BACE1-AS: variants seen among roughly 807,000 people sequenced by gnomAD.
BACE1-AS encodes BACE1 antisense RNA (non-protein coding).
intron 2 of BACE1-AS, chr11:117,291,798 T>A (rs1181394142): frequency 1.9e-6 from 3 of 1,611,884 alleles, no homozygotes; most frequent in Non-Finnish European, 2.5e-6. Flanking sequence ...TCCACAATGC[T>A]CTTGTCATAG....
At chr11:117,291,704 C>T in exon 2 of BACE1-AS, 1 of 1,601,378 alleles carries the variant, frequency 6.2e-7, no homozygotes, top group Admixed American at 1.7e-5. Flanking sequence ...CATCCTTAGT[C>T]CACTCACGGA....
chr11:117,291,765 A>C, exon 2 of BACE1-AS: 3 of 1,613,560 alleles, frequency 1.9e-6, no homozygotes, highest in South Asian at 2.2e-5. Flanking sequence ...TTCTTGGGCA[A>C]ACGAAGGTTG....
At chr11:117,291,494 T>A (rs947736561) in intron 1 of BACE1-AS, among the ~76,000 whole-genome samples, 2 of 152,092 alleles carry the variant, frequency 1.3e-5, no homozygotes, top group Non-Finnish European at 2.9e-5. Flanking sequence ...GTCAGGCTGG[T>A]CTTGAACTCC....
At chr11:117,291,615 A>G (rs558111269) in intron 1 of BACE1-AS, 3 of 868,748 alleles carry the variant, frequency 3.5e-6, no homozygotes, top group East Asian at 5.2e-5. Flanking sequence ...AGAAGGGTCT[A>G]AGTGCAGACA....
chr11:117,291,744 C>G lies in BACE1-AS; in HGVS notation n.98C>G, dbSNP rs1342191689. The G allele has an allele frequency of 6.2e-6, 10 of 1,613,476 alleles. No individual in the cohort carries two copies. The highest frequency in any genetic ancestry group is 8.5e-6 in the Non-Finnish European group (10 of 1,179,626). ...GCTGCCTTGATGGATTTGACTGCAG[C>G]TTCAAACACTTTCTTGGGCAAACGA... On this transcript the variant is annotated non_coding_transcript_exon_variant, in exon 2 of 4. Coordinates refer to ENST00000614401, the Ensembl canonical transcript of BACE1-AS.
chr11:117,291,613 C>G, intron 1 of BACE1-AS: 1 of 859,468 alleles, frequency 1.2e-6, no homozygotes, highest in Non-Finnish European at 1.9e-6. Flanking sequence ...GTAGAAGGGT[C>G]TAAGTGCAGA....
At chr11:117,291,712 G>T (rs748797299) in exon 2 of BACE1-AS, 1 of 1,609,956 alleles carries the variant, frequency 6.2e-7, no homozygotes, top group Non-Finnish European at 8.5e-7. Flanking sequence ...GTCCACTCAC[G>T]GAGGAGGCTG....
At chr11:117,291,844 C>A in intron 2 of BACE1-AS, 1 of 1,558,078 alleles carries the variant, frequency 6.4e-7, no homozygotes, top group Non-Finnish European at 8.8e-7. Context: ...TTAAAAGAGT[C>A]AAAAGGTTTT....
At chr11:117,291,576 AG>A (rs2034438128) in intron 1 of BACE1-AS, 4 of 611,730 alleles carry the variant, frequency 6.5e-6, no homozygotes, top group Non-Finnish European at 1.1e-5. Context: ...ACGCCTGGCT[AG>A]GGGAAGAGTG....
intron 2 of BACE1-AS, chr11:117,291,933 G>A: frequency 1.6e-6 from 1 of 625,338 alleles, no homozygotes; most frequent in South Asian, 1.8e-5. Context: ...CACCTCCTAA[G>A]TGTACCTGCT....
At chr11:117,291,737 A>G (rs1275924663) in exon 2 of BACE1-AS, 1 of 1,613,276 alleles carries the variant, frequency 6.2e-7, no homozygotes, top group African/African-American at 1.3e-5. Flanking sequence ...GATGGATTTG[A>G]CTGCAGCTTC....
At chr11:117,291,653 C>T in intron 1 of BACE1-AS, 5 of 1,269,572 alleles carry the variant, frequency 3.9e-6, no homozygotes, top group Non-Finnish European at 5.7e-6. Flanking sequence ...GAATGTGACT[C>T]TCACCGCCTC....
chr11:117,291,811 G>A (rs2034446979), intron 2 of BACE1-AS: 4 of 1,605,478 alleles, frequency 2.5e-6, no homozygotes, highest in Non-Finnish European at 3.4e-6. Flanking sequence ...TGTCATAGTT[G>A]TACTAAGAGG....
chr11:117,291,807 A>G, intron 2 of BACE1-AS: 1 of 1,608,544 alleles, frequency 6.2e-7, no homozygotes, highest in Non-Finnish European at 8.5e-7. Context: ...CTCTTGTCAT[A>G]GTTGTACTAA....
intron 2 of BACE1-AS, chr11:117,291,981 C>G: frequency 2.0e-6 from 1 of 489,846 alleles, no homozygotes; most frequent in Non-Finnish European, 3.8e-6. Context: ...TCCTTCATCT[C>G]TAAAGTGAGG....
chr11:117,291,695 ATCCT>A, intron 1 of BACE1-AS: 1 of 1,580,148 alleles, frequency 6.3e-7, no homozygotes, highest in East Asian at 2.2e-5. Flanking sequence ...TTTTACCCCC[ATCCT>A]TAGTCCACTC....
intron 1 of BACE1-AS, among the ~76,000 whole-genome samples, chr11:117,291,523 A>G (rs534469473): frequency 1.3e-5 from 2 of 152,052 alleles, no homozygotes; most frequent in Admixed American, 1.3e-4. Flanking sequence ...TGATCTGCCC[A>G]CCTTGGCCTC....
chr11:117,291,630 G>C (rs1565356896), intron 1 of BACE1-AS: 1 of 1,008,140 alleles, frequency 9.9e-7, no homozygotes, highest in Non-Finnish European at 1.6e-6. Context: ...CAGACATCTT[G>C]GCTGTTGCTG....
exon 2 of BACE1-AS, chr11:117,291,723 C>T: frequency 6.2e-7 from 1 of 1,612,708 alleles, no homozygotes; most frequent in Non-Finnish European, 8.5e-7. Context: ...GAGGAGGCTG[C>T]CTTGATGGAT....
Sources: gnomAD v4.1 joint callset for allele counts (sites outside exome capture counted in the v4.1 genomes callset) on GRCh38, gnomAD v4.1.1 for gene constraint, MANE v1.5 for transcripts, NCBI Gene and HGNC (gene_info 2026-07-23, HGNC 2026-07-21) for gene names.